LY6D: variants seen among roughly 807,000 people sequenced by gnomAD.
The protein encoded by LY6D is lymphocyte antigen 6 family member D.
In LY6D, 7 loss-of-function variants were observed where a neutral mutation model predicts 5.6. The observed-to-expected ratio is 1.24, with a 90% CI of 0.71 to 2.34. The LOEUF is 2.34. Ranked by LOEUF, LY6D falls within the 30% of genes most tolerant of loss-of-function variation. The pLI is 0.00. For synonymous variants in LY6D, 81 were observed against 75.0 expected, an observed-to-expected ratio of 1.08 and a Z score of -0.41; for missense variants, 148 against 164.8, an observed-to-expected ratio of 0.90 and a Z score of 0.56.
In LY6D at chr8:142,785,226, G is replaced by T; in HGVS notation, c.382C>A (p.Leu128Met). ...GGCCTTCCCTGGGGGGAAGGTCACA[G>T]GCTGGGGGCTAAGATGACGGCCAGG... Reference protein sequence around the residue: ...SLLAVILAPSL With the variant: ...SLLAVILAPSM The change falls in exon 3 of 3, where the codon CTG becomes ATG. Residue 128 changes from leucine (L) to methionine (M), a missense_variant. Coordinates refer to ENST00000301263, the MANE Select transcript of LY6D (RefSeq NM_003695.3). 6.2e-7 allele frequency: 1 copy of T among 1,602,706 alleles called. No homozygotes were observed. Among genetic ancestry groups the T allele is most frequent in the South Asian group, 1.1e-5 (1 of 90,770 alleles).
At position 142,785,469 on chromosome 8, in the gene LY6D, G is replaced by T. The variant is rs776222151; in HGVS notation, c.152-13C>A. 2 of 1,605,766 alleles carry T rather than the reference G, an allele frequency of 1.2e-6. No individual in the cohort carries two copies. The highest frequency in any genetic ancestry group is 1.7e-6 in the Non-Finnish European group (2 of 1,173,858). On this transcript the variant is annotated splice_polypyrimidine_tract_variant and intron_variant, in intron 2 of 2. Coordinates refer to ENST00000301263, the MANE Select transcript of LY6D (RefSeq NM_003695.3). Reference sequence around the variant, plus strand: ...CTCAGAGGCTCCACTGGGCACAGGTGAGTGTGGTCAGGCCAGGCAGCCACC... The same window carrying T: ...CTCAGAGGCTCCACTGGGCACAGGTTAGTGTGGTCAGGCCAGGCAGCCACC...
Position 142,785,154 on chromosome 8 carries a change from GA to G in LY6D, c.*66del. On this transcript the variant is annotated 3_prime_UTR_variant, in exon 3 of 3. Coordinates refer to ENST00000301263, the MANE Select transcript of LY6D (RefSeq NM_003695.3). ...TCCTGGCACCCCCGTTGCGGCTGGG[GA>G]AGAGAGGTGTGGAATCCCCAGAGAA... 1 of 1,323,220 alleles carries G rather than the reference GA, an allele frequency of 7.6e-7. No homozygotes were observed. The highest frequency in any genetic ancestry group is 1.0e-6 in the Non-Finnish European group (1 of 956,484). 82.0% of individuals were successfully genotyped at this position (1,323,220 alleles called of 1,614,324 possible).
chr8:142,784,998 AGCTGGGGGCT>A lies in LY6D; in HGVS notation c.*213_*222del. The stretch of plus-strand genomic sequence containing the variant: ...GGCTTCTGTCCTCCACCTTCCATGC[AGCTGGGGGCT>A]GCATCCTCTGTGGGGTGGCTTCATC... On this transcript the variant is annotated 3_prime_UTR_variant, in exon 3 of 3. Coordinates refer to ENST00000301263, the MANE Select transcript of LY6D (RefSeq NM_003695.3). The A allele has an allele frequency of 1.8e-6, 1 of 546,532 alleles. No homozygotes were observed. Among genetic ancestry groups the A allele is most frequent in the Non-Finnish European group, 3.3e-6 (1 of 307,100 alleles). The allele number at this position is 546,532 out of a possible 1,614,324, so 33.9% of individuals were successfully genotyped here.
rs267601808 is a variant in LY6D, at chr8:142,785,380, C to T, written c.228G>A (p.Gln76=). The change falls in exon 3 of 3, where the codon CAG becomes CAA. Residue 76 remains glutamine (Q), a synonymous_variant. Coordinates refer to ENST00000301263, the MANE Select transcript of LY6D (RefSeq NM_003695.3). ...SCTPSYTLQG[Q]VSSGTSSTQC... ...GGGTGGAGCTGGTGCCGCTGCTGACCTGGCCTTGCAGGGTGTAGCTGGGTG... is the reference window on the plus strand; with the variant it reads ...GGGTGGAGCTGGTGCCGCTGCTGACTTGGCCTTGCAGGGTGTAGCTGGGTG... 1 of 1,613,644 alleles carries T rather than the reference C, an allele frequency of 6.2e-7. No homozygotes were observed. Among genetic ancestry groups the T allele is most frequent in the Non-Finnish European group, 8.5e-7 (1 of 1,179,972 alleles).
chr8:142,785,457 C>T lies in LY6D; in HGVS notation c.152-1G>A. On this transcript the variant is annotated splice_acceptor_variant, in intron 2 of 2. Transcript: ENST00000301263. LOFTEE classifies it high-confidence loss of function. ...ACCAGATTCCCCCTCAGAGGCTCCACTGGGCACAGGTGAGTGTGGTCAGGC... is the reference window on the plus strand; with the variant it reads ...ACCAGATTCCCCCTCAGAGGCTCCATTGGGCACAGGTGAGTGTGGTCAGGC... 1 of 1,611,270 alleles carries T rather than the reference C, an allele frequency of 6.2e-7. No individual in the cohort carries two copies. The highest frequency in any genetic ancestry group is 1.1e-5 in the South Asian group (1 of 91,018).
Position 142,785,113 on chromosome 8 carries a change from G to T in LY6D, c.*108C>A. The T allele has an allele frequency of 2.3e-6, 2 of 851,500 alleles. No homozygotes were observed. The highest frequency in any genetic ancestry group is 3.6e-6 in the Non-Finnish European group (2 of 560,984). The allele number at this position is 851,500 out of a possible 1,614,324, so 52.7% of individuals were successfully genotyped here. On this transcript the variant is annotated 3_prime_UTR_variant, in exon 3 of 3. Transcript: ENST00000301263. Reference sequence around the variant, plus strand: ...GACCTGGTCCCAGACTTTCGGGGAAGCCCTCAGCCTGGGGCTCCTGGCACC... The same window carrying T: ...GACCTGGTCCCAGACTTTCGGGGAATCCCTCAGCCTGGGGCTCCTGGCACC...
chr8:142,785,458 T>C lies in LY6D; in HGVS notation c.152-2A>G, dbSNP rs747005240. 6.2e-7 allele frequency: 1 copy of C among 1,608,962 alleles called. No homozygotes were observed. Reference sequence around the variant, plus strand: ...CCAGATTCCCCCTCAGAGGCTCCACTGGGCACAGGTGAGTGTGGTCAGGCC... The same window carrying C: ...CCAGATTCCCCCTCAGAGGCTCCACCGGGCACAGGTGAGTGTGGTCAGGCC... On this transcript the variant is annotated splice_acceptor_variant, in intron 2 of 2. Coordinates refer to ENST00000301263, the MANE Select transcript of LY6D (RefSeq NM_003695.3). LOFTEE classifies it high-confidence loss of function.
At chr8:142,785,786 G>A in intron 1 of LY6D, 99 bp from the exon 2 acceptor site, 1 of 1,524,582 alleles carries the variant, frequency 6.6e-7, no homozygotes, top group Non-Finnish European at 8.8e-7. Flanking sequence ...CCTGGACAGA[G>A]GCCCTGCTGC....
Position 142,785,373 on chromosome 8 carries a change from T to C in LY6D, c.235A>G (p.Ser79Gly), listed in dbSNP as rs375991013. Reference sequence around the variant, plus strand: ...CAGCACTGGGTGGAGCTGGTGCCGCTGCTGACCTGGCCTTGCAGGGTGTAG... The same window carrying C: ...CAGCACTGGGTGGAGCTGGTGCCGCCGCTGACCTGGCCTTGCAGGGTGTAG... ...PSYTLQGQVS[S>G]GTSSTQCCQE... The change falls in exon 3 of 3, where the codon AGC becomes GGC. Residue 79 changes from serine (S) to glycine (G), a missense_variant. By Grantham distance (56) the Ser-to-Gly change is moderately conservative (BLOSUM62 0). Coordinates refer to ENST00000301263, the MANE Select transcript of LY6D (RefSeq NM_003695.3). 4 of 1,613,676 alleles carry C rather than the reference T, an allele frequency of 2.5e-6. No homozygotes were observed. Among genetic ancestry groups the C allele is most frequent in the Non-Finnish European group, 3.4e-6 (4 of 1,179,946 alleles).
At chr8:142,786,383 C>A in intron 1 of LY6D, 82 bp downstream of exon 1, 2 of 1,467,236 alleles carry the variant, frequency 1.4e-6, no homozygotes, top group South Asian at 2.8e-5. Context: ...GCCTAGATGT[C>A]GTCAGCTCCA....
rs761218386 is a variant in LY6D at position 142,785,629 on chromosome 8, G to A, written c.111C>T (p.Val37=). 4 of 1,613,586 alleles carry A rather than the reference G, an allele frequency of 2.5e-6. No individual in the cohort carries two copies. In the Admixed American group the frequency reaches 5.0e-5, roughly 20 times the overall value. ...TGCAGAAGCGAGAGCTGGCCGGGCAGACCACAGAATGCTTGCAGTTGCTGG... is the reference window on the plus strand; with the variant it reads ...TGCAGAAGCGAGAGCTGGCCGGGCAAACCACAGAATGCTTGCAGTTGCTGG... The part of the protein sequence containing the change: ...TSSSNCKHSV[V]CPASSRFCKT... Residue 37 remains valine (V), a synonymous_variant, in exon 2 of 3, where the codon GTC becomes GTT. Transcript: ENST00000301263.
In LY6D at chr8:142,785,317, G is replaced by T. The variant is rs772000741; in HGVS notation, c.291C>A (p.His97Gln). The T allele has an allele frequency of 1.2e-6, 2 of 1,613,752 alleles. No homozygotes were observed. The highest frequency in any genetic ancestry group is 1.7e-6 in the Non-Finnish European group (2 of 1,179,954). ...CQEDLCNEKL[H>Q]NAAPTRTALA... Reference sequence around the variant, plus strand: ...GGGCGGTGCGGGTGGGTGCAGCGTTGTGCAGCTTCTCATTGCACAGGTCCT... The same window carrying T: ...GGGCGGTGCGGGTGGGTGCAGCGTTTTGCAGCTTCTCATTGCACAGGTCCT... Residue 97 changes from histidine (H) to glutamine (Q), a missense_variant, in exon 3 of 3, where the codon CAC (histidine) becomes CAA (glutamine). Transcript: ENST00000301263.
At chr8:142,785,712 G>A (rs990610159) in intron 1 of LY6D, 25 bp from the exon 2 acceptor site, 9 of 1,612,264 alleles carry the variant, frequency 5.6e-6, no homozygotes, top group Non-Finnish European at 5.9e-6. Flanking sequence ...GTCCGGCTCA[G>A]CGGGCCCAAC....
chr8:142,785,883 T>G, intron 1 of LY6D, 196 bp from the exon 2 acceptor site: 2 of 1,421,390 alleles, frequency 1.4e-6, no homozygotes, highest in Non-Finnish European at 9.2e-7. Context: ...TATTCCAGCC[T>G]GGGCCGGCTT....
Position 142,785,137 on chromosome 8 carries a change from C to T in LY6D, c.*84G>A, listed in dbSNP as rs538136510. 13 of 1,128,588 alleles carry T rather than the reference C, an allele frequency of 1.2e-5. No homozygotes were observed. In the African/African-American group the frequency reaches 2.0e-4, roughly 17 times the overall value. 69.9% of individuals were successfully genotyped at this position (1,128,588 alleles called of 1,614,324 possible). The stretch of plus-strand genomic sequence containing the variant: ...AGCCCTCAGCCTGGGGCTCCTGGCA[C>T]CCCCGTTGCGGCTGGGGAAGAGAGG... On this transcript the variant is annotated 3_prime_UTR_variant, in exon 3 of 3. Transcript: ENST00000301263.
Position 142,785,690 on chromosome 8 carries a change from G to A in LY6D, c.53-3C>T. The A allele has an allele frequency of 6.2e-7, 1 of 1,613,244 alleles. No individual in the cohort carries two copies. The highest frequency in any genetic ancestry group is 8.5e-7 in the Non-Finnish European group (1 of 1,179,910). On this transcript the variant is annotated splice_region_variant and splice_polypyrimidine_tract_variant and intron_variant, in intron 1 of 2. Coordinates refer to ENST00000301263, the MANE Select transcript of LY6D (RefSeq NM_003695.3). Reference sequence around the variant, plus strand: ...CACGTGGCAGCGCAGGGTAAGGGCTGGCGGGGAGGGAGTCCGGCTCAGCGG... The same window carrying A: ...CACGTGGCAGCGCAGGGTAAGGGCTAGCGGGGAGGGAGTCCGGCTCAGCGG...
At chr8:142,786,285 C>G in intron 1 of LY6D, 180 bp downstream of exon 1, 1 of 1,364,810 alleles carries the variant, frequency 7.3e-7, no homozygotes, top group South Asian at 1.8e-5. Context: ...GATTCTGAAA[C>G]ATTGTAAATC....
In LY6D at chr8:142,785,899, A is replaced by T. The variant is rs1815646850; in HGVS notation, c.53-212T>A. The T allele has an allele frequency of 4.9e-6, 7 of 1,416,014 alleles. No homozygotes were observed. In the Admixed American group the frequency reaches 1.2e-4, roughly 24 times the overall value. The allele number at this position is 1,416,014 out of a possible 1,614,324, so 87.7% of individuals were successfully genotyped here. On this transcript the variant is annotated intron_variant, in intron 1 of 2. Transcript: ENST00000301263. ...ATTCCAGCCTGGGCCGGCTTGGAAG[A>T]GGTGTCCTGCCCTGCCCCTGTCTAG...
chr8:142,785,409 A>G lies in LY6D; in HGVS notation c.199T>C (p.Cys67Arg). The G allele has an allele frequency of 6.2e-7, 1 of 1,613,386 alleles. No individual in the cohort carries two copies. The change falls in exon 3 of 3, where the codon TGC (cysteine) becomes CGC (arginine). Residue 67 changes from cysteine to arginine, a missense_variant. Coordinates refer to ENST00000301263, the MANE Select transcript of LY6D (RefSeq NM_003695.3). ...NLVKKDCAES[C>R]TPSYTLQGQV... ...CCTTGCAGGGTGTAGCTGGGTGTGC[A>G]CGACTCCGCACAGTCCTTCTTCACC...
Sources: allele counts gnomAD v4.1 joint callset, GRCh38; gene constraint gnomAD v4.1.1; transcripts MANE v1.5; gene names NCBI Gene and HGNC (gene_info 2026-07-23, HGNC 2026-07-21).